Variants in VPS41 observed in about 807,000 individuals in gnomAD.
VPS41 encodes the protein vacuolar protein sorting-associated protein 41 homolog.
A neutral mutation model predicts 130.9 loss-of-function variants in VPS41; 85 were observed. The observed-to-expected ratio is 0.65, with a 90% confidence interval of 0.55 to 0.78. The LOEUF (loss-of-function observed/expected upper bound fraction) is 0.78, where lower values mean the gene tolerates loss of function less well. VPS41 is among the 30% of genes least tolerant of loss of function. The pLI is 0.00. For synonymous variants in VPS41, 335 were observed against 332.9 expected (o/e 1.01, Z -0.07); for missense variants, 874 against 1,018.7 (o/e 0.86, Z 1.93).
At chr7:38,892,296 T>C (rs1786883019) in intron 2 of VPS41, among the ~76,000 whole-genome samples, 1 of 152,158 alleles carries the variant, frequency 6.6e-6, no homozygotes, top group Non-Finnish European at 1.5e-5. Flanking sequence ...GGGATCCAAA[T>C]GCATTTACCA....
intron 2 of VPS41, among the ~76,000 whole-genome samples, chr7:38,870,932 A>T (rs557397975): frequency 4.6e-5 from 7 of 151,930 alleles, no homozygotes; most frequent in Non-Finnish European, 8.8e-5. Flanking sequence ...AGACAAAATA[A>T]GTGAAATGAG....
intron 7 of VPS41, among the ~76,000 whole-genome samples, chr7:38,815,412 A>C (rs537075406): frequency 1.3e-5 from 2 of 152,346 alleles, no homozygotes; most frequent in South Asian, 4.1e-4. Flanking sequence ...CAACAGAGCA[A>C]GACTCCGTCT....
intron 3 of VPS41, among the ~76,000 whole-genome samples, chr7:38,865,550 G>C (rs772992192): frequency 6.6e-6 from 1 of 152,168 alleles, no homozygotes; most frequent in Non-Finnish European, 1.5e-5. Flanking sequence ...AATTTAAAGA[G>C]AATGCTTAAA....
At chr7:38,810,883 T>C (rs1241441593) in intron 7 of VPS41, among the ~76,000 whole-genome samples, 1 of 152,190 alleles carries the variant, frequency 6.6e-6, no homozygotes, top group African/African-American at 2.4e-5. Context: ...ATTTGCTAAA[T>C]GTTGGGCTTT....
chr7:38,745,905 G>C (rs1795976980), intron 22 of VPS41: 1 of 321,690 alleles, frequency 3.1e-6, no homozygotes, highest in Non-Finnish European at 5.7e-6. Context: ...TTCCCACTAA[G>C]CTTTCTCTCT....
intron 2 of VPS41, among the ~76,000 whole-genome samples, chr7:38,873,811 T>C (rs1236734929): frequency 6.6e-6 from 1 of 152,188 alleles, no homozygotes; most frequent in Non-Finnish European, 1.5e-5. Context: ...TTCTAAACAC[T>C]ATCTGAAAAT....
chr7:38,764,134 A>C (rs1415843611), intron 16 of VPS41, among the ~76,000 whole-genome samples: 1 of 152,242 alleles, frequency 6.6e-6, no homozygotes, highest in Admixed American at 6.5e-5. Flanking sequence ...TCCTAGAAGA[A>C]AGATATGCAG....
intron 7 of VPS41, among the ~76,000 whole-genome samples, chr7:38,815,576 C>T (rs1438856631): frequency 5.3e-5 from 8 of 152,132 alleles, no homozygotes; most frequent in Non-Finnish European, 1.0e-4. Flanking sequence ...CAAAGTATTG[C>T]TCCTGGGTGT....
chr7:38,795,353 A>G, intron 9 of VPS41, 112 bp downstream of exon 9: 1 of 815,084 alleles, frequency 1.2e-6, no homozygotes. Context: ...TCACAATAAC[A>G]TCCAAGTGAA....
intron 19 of VPS41, among the ~76,000 whole-genome samples, chr7:38,756,018 G>A (rs1190543470): frequency 2.0e-5 from 3 of 152,256 alleles, no homozygotes; most frequent in Admixed American, 1.3e-4. Flanking sequence ...TCTAAATTAA[G>A]TTTAAGTTGG....
At position 38,756,833 on chromosome 7, in the gene VPS41, A is replaced by G. The variant is rs201850655; in HGVS notation, c.1695+5T>C. On this transcript the variant is annotated splice_donor_5th_base_variant and intron_variant, in intron 19 of 28. Coordinates refer to ENST00000310301, the MANE Select transcript of VPS41 (RefSeq NM_014396.4). ...TTGACAGTACTAAAATAAAAAGCAC[A>G]TTACCTCTGAATCAAAATCCATTAA... 13 of 1,532,130 alleles carry G rather than the reference A, an allele frequency of 8.5e-6. No homozygotes were observed. In the East Asian group the frequency reaches 2.7e-4, roughly 32 times the overall value. The allele number at this position is 1,532,130 out of a possible 1,614,324, so 94.9% of individuals were successfully genotyped here.
chr7:38,878,931 G>A (rs149597592), intron 2 of VPS41, among the ~76,000 whole-genome samples: 1,593 of 152,252 alleles, frequency 0.01, 8 homozygotes, highest in Non-Finnish European at 0.014. Flanking sequence ...CAACTTAGAA[G>A]TTTTAGCCAA....
At chr7:38,726,876 C>T (rs1317766382) in intron 28 of VPS41, 33 bp downstream of exon 28, 4 of 1,474,658 alleles carry the variant, frequency 2.7e-6, no homozygotes, top group Non-Finnish European at 3.6e-6. Context: ...GTTAATTTCC[C>T]TCTAGTTGAT....
Position 38,765,665 on chromosome 7 carries a change from G to A in VPS41, c.1248-4C>T. 1 of 1,584,820 alleles carries A rather than the reference G, an allele frequency of 6.3e-7. No homozygotes were observed. The highest frequency in any genetic ancestry group is 1.4e-5 in the African/African-American group (1 of 73,274). Reference sequence around the variant, plus strand: ...CCCAAGAATTTTCTGGCATTTGCTGGCAGTAAAAACATCCCAGGCAGAAAG... The same window carrying A: ...CCCAAGAATTTTCTGGCATTTGCTGACAGTAAAAACATCCCAGGCAGAAAG... On this transcript the variant is annotated splice_region_variant and splice_polypyrimidine_tract_variant and intron_variant, in intron 15 of 28. Coordinates refer to ENST00000310301, the MANE Select transcript of VPS41 (RefSeq NM_014396.4).
At chr7:38,862,442 G>T in intron 4 of VPS41, 103 bp downstream of exon 4, 2 of 639,418 alleles carry the variant, frequency 3.1e-6, no homozygotes, top group Non-Finnish European at 5.2e-6. Flanking sequence ...AATTAATAAA[G>T]ATCCTCTTTA....
At chr7:38,744,458 C>A (rs74787585) in intron 23 of VPS41, among the ~76,000 whole-genome samples, 105 of 152,212 alleles carry the variant, frequency 6.9e-4, no homozygotes, top group African/African-American at 2.5e-3. Context: ...TTTTGTGTTT[C>A]TTACAAATAT....
Position 38,898,140 on chromosome 7 carries a change from T to C in VPS41, c.22-11A>G, listed in dbSNP as rs368229479. 167 of 1,611,462 alleles carry C rather than the reference T, an allele frequency of 1.0e-4. No individual in the cohort carries two copies. The Middle Eastern group carries it at 1.6e-3, about 16-fold the overall frequency. On this transcript the variant is annotated splice_polypyrimidine_tract_variant and intron_variant, in intron 1 of 28. Coordinates refer to ENST00000310301, the MANE Select transcript of VPS41 (RefSeq NM_014396.4). ...AAGGGACCCAGTTTCCTATAAAGCA[T>C]AGAAAAAGAAAATGGTCAGAAGAGA...
At chr7:38,786,124 G>C (rs558309110) in intron 10 of VPS41, among the ~76,000 whole-genome samples, 2 of 152,306 alleles carry the variant, frequency 1.3e-5, no homozygotes, top group African/African-American at 2.4e-5. Flanking sequence ...AAGGCCAGGG[G>C]CTGGGTAGAG....
chr7:38,867,000 T>C (rs947416240), intron 3 of VPS41, among the ~76,000 whole-genome samples: 23 of 152,160 alleles, frequency 1.5e-4, no homozygotes, highest in Admixed American at 6.5e-5. Flanking sequence ...GAAGTACTGA[T>C]ACATGCTACA....
Sources: allele counts gnomAD v4.1 joint callset (sites outside exome capture counted in the v4.1 genomes callset), GRCh38; gene constraint gnomAD v4.1.1; transcripts MANE v1.5; gene names NCBI Gene and HGNC (gene_info 2026-07-23, HGNC 2026-07-21).